Variants in RCAN2 observed in about 807,000 individuals in gnomAD.
RCAN2 encodes calcipressin-2.
A neutral mutation model predicts 23.6 loss-of-function variants in RCAN2; 9 were observed. The observed-to-expected ratio is 0.38, with a 90% CI of 0.23 to 0.67. RCAN2 has a LOEUF of 0.67. RCAN2 is among the 30% of genes least tolerant of loss of function. RCAN2 has a pLI of 0.51. For synonymous variants in RCAN2, 109 were observed against 115.7 expected (o/e 0.94, Z 0.37); for missense variants, 273 against 302.3 (o/e 0.90, Z 0.72).
At chr6:46,448,176 C>A (rs907874236) in intron 2 of RCAN2, among the ~76,000 whole-genome samples, 2 of 151,570 alleles carry the variant, frequency 1.3e-5, no homozygotes, top group Non-Finnish European at 3.0e-5. Context: ...CACAAGAATA[C>A]AAAAGATCAT....
chr6:46,429,568 C>T (rs761412352), intron 2 of RCAN2, among the ~76,000 whole-genome samples: 96 of 152,126 alleles, frequency 6.3e-4, no homozygotes, highest in Admixed American at 2.4e-3. Flanking sequence ...CCATATGAAA[C>T]GTCTCTATCA....
At chr6:46,336,626 G>A (rs920009209) in intron 2 of RCAN2, among the ~76,000 whole-genome samples, 4 of 152,204 alleles carry the variant, frequency 2.6e-5, no homozygotes, top group African/African-American at 4.8e-5. Flanking sequence ...GGAGGGTCAT[G>A]GCCGCATAGC....
chr6:46,429,849 C>T (rs1767138524), intron 2 of RCAN2, among the ~76,000 whole-genome samples: 1 of 152,158 alleles, frequency 6.6e-6, no homozygotes, highest in Non-Finnish European at 1.5e-5. Flanking sequence ...TGCACTGGCA[C>T]AGGAGGGATG....
intron 2 of RCAN2, among the ~76,000 whole-genome samples, chr6:46,275,576 T>A (rs1767668565): frequency 6.6e-6 from 1 of 151,980 alleles, no homozygotes; most frequent in Non-Finnish European, 1.5e-5. Context: ...ATCTTTTTTG[T>A]TGGCTTGGTA....
chr6:46,377,391 ACTTT>A (rs1344212910), intron 2 of RCAN2, among the ~76,000 whole-genome samples: 1 of 152,190 alleles, frequency 6.6e-6, no homozygotes, highest in East Asian at 1.9e-4. Flanking sequence ...TTTCCATGGC[ACTTT>A]CTTACGTGAC....
chr6:46,260,647 G>T lies in RCAN2; in HGVS notation c.226-11751C>A, dbSNP rs112918794. 1.2e-4 allele frequency among the ~76,000 whole-genome samples: 18 copies of T among 152,268 alleles called. No homozygotes were observed. In the East Asian group the frequency reaches 2.9e-3, roughly 25 times the overall value. On this transcript the variant is annotated intron_variant, in intron 2 of 4. Transcript: ENST00000371374. The stretch of plus-strand genomic sequence containing the variant: ...TGGGTGAGTGGGACCCTCTCATTAC[G>T]TGAACCCAGGGCTTGTTCTGGTGGG...
chr6:46,336,699 A>G (rs1225396031), intron 2 of RCAN2, among the ~76,000 whole-genome samples: 1 of 152,234 alleles, frequency 6.6e-6, no homozygotes, highest in Non-Finnish European at 1.5e-5. Flanking sequence ...ATGTGAATCT[A>G]TCAAAAGTTC....
intron 1 of RCAN2, among the ~76,000 whole-genome samples, chr6:46,490,099 A>G (rs4711853): frequency 0.13 from 19,449 of 152,122 alleles, 1,843 homozygotes; most frequent in African/African-American, 0.23. Flanking sequence ...AAGTGATGTA[A>G]TAAAGGATAA....
At chr6:46,463,908 C>T (rs1457746978) in intron 1 of RCAN2, among the ~76,000 whole-genome samples, 3 of 151,924 alleles carry the variant, frequency 2.0e-5, no homozygotes, top group African/African-American at 4.8e-5. Context: ...AAATTAAGAA[C>T]AGAAATATAA....
At chr6:46,287,005 C>CAA (rs1346419245) in intron 2 of RCAN2, among the ~76,000 whole-genome samples, 1 of 139,732 alleles carries the variant, frequency 7.2e-6, no homozygotes, top group Admixed American at 7.1e-5. Context: ...AACTCTATCT[C>CAA]AAAAAAAAAA....
chr6:46,388,672 A>T (rs2150397211), intron 2 of RCAN2, among the ~76,000 whole-genome samples: 1 of 152,312 alleles, frequency 6.6e-6, no homozygotes, highest in South Asian at 2.1e-4. Flanking sequence ...GCTGAAAGCC[A>T]TCATCCTCAG....
intron 1 of RCAN2, among the ~76,000 whole-genome samples, chr6:46,466,110 A>G (rs896028798): frequency 6.6e-6 from 1 of 152,202 alleles, no homozygotes; most frequent in Non-Finnish European, 1.5e-5. Context: ...TCCTCTCATG[A>G]TTGCTTAGAA....
chr6:46,395,977 C>T (rs972554665), intron 2 of RCAN2, among the ~76,000 whole-genome samples: 5 of 152,132 alleles, frequency 3.3e-5, no homozygotes, highest in East Asian at 1.9e-4. Context: ...CAACCCTGCA[C>T]GTCACACATT....
intron 1 of RCAN2, among the ~76,000 whole-genome samples, chr6:46,488,489 G>A (rs1239777892): frequency 1.3e-5 from 2 of 152,162 alleles, no homozygotes; most frequent in Non-Finnish European, 2.9e-5. Context: ...CACTTTTGGG[G>A]ATAAAGGTAG....
At chr6:46,278,378 TAC>T (rs942939502) in intron 2 of RCAN2, among the ~76,000 whole-genome samples, 2 of 150,992 alleles carry the variant, frequency 1.3e-5, no homozygotes, top group Non-Finnish European at 1.5e-5. Context: ...ACCCATCCTT[TAC>T]ACACACACAC....
chr6:46,309,926 A>G (rs886713168), intron 2 of RCAN2, among the ~76,000 whole-genome samples: 2 of 152,150 alleles, frequency 1.3e-5, no homozygotes, highest in African/African-American at 2.4e-5. Context: ...TTCCAGCCTA[A>G]AAAAGCTAAT....
intron 2 of RCAN2, among the ~76,000 whole-genome samples, chr6:46,437,350 C>T (rs1767404444): frequency 3.3e-5 from 5 of 152,124 alleles, no homozygotes; most frequent in Admixed American, 3.3e-4. Context: ...GCATAAATTC[C>T]AAGAGCATCA....
chr6:46,416,831 T>C (rs142234890), intron 2 of RCAN2, among the ~76,000 whole-genome samples: 2,537 of 152,290 alleles, frequency 0.017, 53 homozygotes, highest in South Asian at 0.12. Flanking sequence ...TCTGATTTTC[T>C]ACCATACTGA....
At chr6:46,304,212 G>A (rs779723447) in intron 2 of RCAN2, among the ~76,000 whole-genome samples, 5 of 151,998 alleles carry the variant, frequency 3.3e-5, no homozygotes, top group Admixed American at 6.6e-5. Flanking sequence ...TTGCCATTTG[G>A]ATATCTTCTC....
Sources: allele counts gnomAD v4.1 joint callset (sites outside exome capture counted in the v4.1 genomes callset), GRCh38; gene constraint gnomAD v4.1.1; transcripts MANE v1.5; gene names NCBI Gene and HGNC (gene_info 2026-07-23, HGNC 2026-07-21).